Variants in PRKG1 observed in about 807,000 individuals in gnomAD.
PRKG1 encodes the protein cGMP-dependent protein kinase 1.
A neutral mutation model predicts 88.1 loss-of-function variants in PRKG1; 35 were observed. The ratio of observed to expected loss-of-function variants is 0.40; its 90% CI spans 0.30 to 0.53. PRKG1 has a LOEUF of 0.53. PRKG1 is among the 20% of genes least tolerant of loss of function. PRKG1 has a pLI of 0.59. For synonymous variants in PRKG1, 303 were observed against 292.5 expected (o/e 1.04, Z -0.37); for missense variants, 540 against 839.8 (o/e 0.64, Z 4.41).
At chr10:51,248,601 T>A (rs1470820878) in intron 2 of PRKG1, among the ~76,000 whole-genome samples, 1 of 151,858 alleles carries the variant, frequency 6.6e-6, no homozygotes, top group Non-Finnish European at 1.5e-5. Flanking sequence ...CTCTTAATTT[T>A]TATGATGAGA....
At chr10:51,780,051 C>T (rs1838545986) in intron 3 of PRKG1, among the ~76,000 whole-genome samples, 1 of 152,076 alleles carries the variant, frequency 6.6e-6, no homozygotes, top group Non-Finnish European at 1.5e-5. Context: ...CTGAATCTCC[C>T]ATTTTGAGTT....
intron 2 of PRKG1, among the ~76,000 whole-genome samples, chr10:51,218,247 GT>G (rs1838422301): frequency 1.3e-5 from 2 of 151,832 alleles, no homozygotes; most frequent in African/African-American, 4.8e-5. Context: ...GTATGACTTT[GT>G]TTTGTAACAA....
chr10:51,046,147 A>G (rs749401371), intron 1 of PRKG1, among the ~76,000 whole-genome samples: 3 of 152,254 alleles, frequency 2.0e-5, no homozygotes, highest in Non-Finnish European at 4.4e-5. Context: ...GTATGTAACA[A>G]TTGTTTACAT....
intron 1 of PRKG1, among the ~76,000 whole-genome samples, chr10:51,118,884 T>C (rs1220074138): frequency 6.6e-6 from 1 of 152,158 alleles, no homozygotes; most frequent in Non-Finnish European, 1.5e-5. Context: ...AGCAACAGCA[T>C]ATTGGTTCTG....
At chr10:51,279,708 T>C (rs947575720) in intron 2 of PRKG1, among the ~76,000 whole-genome samples, 6 of 152,208 alleles carry the variant, frequency 3.9e-5, no homozygotes, top group African/African-American at 1.2e-4. Flanking sequence ...ACCCCTGCCT[T>C]TGTTTTCCAT....
intron 1 of PRKG1, among the ~76,000 whole-genome samples, chr10:51,109,335 C>T (rs760245064): frequency 1.6e-4 from 25 of 151,912 alleles, no homozygotes; most frequent in Non-Finnish European, 2.6e-4. Flanking sequence ...TATTATAAAC[C>T]TTCAAGAGCA....
chr10:51,732,511 G>T lies in PRKG1; in HGVS notation c.593-72074G>T, dbSNP rs948673951. Among the ~76,000 whole-genome samples, 4 of 152,208 alleles carry T rather than the reference G, an allele frequency of 2.6e-5. No homozygotes were observed. In the East Asian group the frequency reaches 7.7e-4, roughly 29 times the overall value. Reference sequence around the variant, plus strand: ...AGAAACATGGTCAGAGAGGTATACAGAGAGCAAGAACGGTGAGATTCAAGA... The same window carrying T: ...AGAAACATGGTCAGAGAGGTATACATAGAGCAAGAACGGTGAGATTCAAGA... On this transcript the variant is annotated intron_variant, in intron 3 of 17. Transcript: ENST00000373980.
chr10:51,263,701 A>C (rs1839772460), intron 2 of PRKG1, among the ~76,000 whole-genome samples: 1 of 152,238 alleles, frequency 6.6e-6, no homozygotes, highest in African/African-American at 2.4e-5. Flanking sequence ...TCATTAGTAT[A>C]GTCCATTGAT....
intron 2 of PRKG1, among the ~76,000 whole-genome samples, chr10:51,440,100 T>C (rs766844841): frequency 9.2e-5 from 14 of 151,966 alleles, no homozygotes; most frequent in Non-Finnish European, 1.8e-4. Flanking sequence ...AGTCAGCTTC[T>C]TAGTTACTGA....
At chr10:52,187,719 C>A (rs1839234183) in intron 9 of PRKG1, among the ~76,000 whole-genome samples, 2 of 152,178 alleles carry the variant, frequency 1.3e-5, no homozygotes, top group South Asian at 4.1e-4. Flanking sequence ...TGCTCGTTGA[C>A]ATGATAACTA....
At chr10:51,976,440 A>G (rs1171316960) in intron 5 of PRKG1, among the ~76,000 whole-genome samples, 1 of 152,056 alleles carries the variant, frequency 6.6e-6, no homozygotes, top group East Asian at 1.9e-4. Context: ...TGAAGTCCTT[A>G]TAAATGCTAC....
chr10:51,667,512 ACT>A (rs1840450755), intron 3 of PRKG1, among the ~76,000 whole-genome samples: 1 of 152,150 alleles, frequency 6.6e-6, no homozygotes, highest in Non-Finnish European at 1.5e-5. Flanking sequence ...TATAGGGAAC[ACT>A]CTTACTGAGG....
At chr10:51,847,840 T>TAAAAAA (rs766423513) in intron 4 of PRKG1, among the ~76,000 whole-genome samples, 1 of 35,216 alleles carries the variant, frequency 2.8e-5, no homozygotes, top group Non-Finnish European at 5.4e-5. Context: ...AAGACTCTGT[T>TAAAAAA]AAAAAAAAAA....
At chr10:51,104,232 A>G (rs1471768831) in intron 1 of PRKG1, among the ~76,000 whole-genome samples, 2 of 152,202 alleles carry the variant, frequency 1.3e-5, no homozygotes, top group Non-Finnish European at 2.9e-5. Context: ...AAAAAAAATC[A>G]TCCCCCACAA....
chr10:51,531,113 C>A (rs1842006184), intron 3 of PRKG1, among the ~76,000 whole-genome samples: 1 of 152,102 alleles, frequency 6.6e-6, no homozygotes, highest in Non-Finnish European at 1.5e-5. Flanking sequence ...CAATTTTACT[C>A]CTCAGTATAA....
intron 5 of PRKG1, among the ~76,000 whole-genome samples, chr10:52,003,521 C>T (rs934145474): frequency 2.0e-5 from 3 of 152,080 alleles, no homozygotes; most frequent in Non-Finnish European, 4.4e-5. Context: ...TCTTTTTTGT[C>T]CTTTTCTTGC....
chr10:51,509,692 A>T (rs1564528337), intron 3 of PRKG1, among the ~76,000 whole-genome samples: 1 of 152,098 alleles, frequency 6.6e-6, no homozygotes. Context: ...TGAATACCTA[A>T]TATGGTCCAC....
At chr10:51,568,350 A>G (rs1837660901) in intron 3 of PRKG1, 1 of 152,090 alleles carries the variant, frequency 6.6e-6, no homozygotes. Context: ...AATTGGTTAC[A>G]TGTAGAGCAT....
At chr10:51,597,903 A>G (rs975383252) in intron 3 of PRKG1, among the ~76,000 whole-genome samples, 1 of 152,224 alleles carries the variant, frequency 6.6e-6, no homozygotes, top group Non-Finnish European at 1.5e-5. Context: ...AAAAATTGCT[A>G]TGTACAATTA....
Sources: allele counts gnomAD v4.1 joint callset (sites outside exome capture counted in the v4.1 genomes callset), GRCh38; gene constraint gnomAD v4.1.1; transcripts MANE v1.5; gene names NCBI Gene and HGNC (gene_info 2026-07-23, HGNC 2026-07-21).